Variants in HDAC9 observed in about 807,000 individuals in gnomAD.
HDAC9 encodes the protein MEF-2 interacting transcription repressor (MITR) protein.
A neutral mutation model predicts 139.4 loss-of-function variants in HDAC9; 41 were observed. The observed-to-expected ratio is 0.29, with a 90% confidence interval of 0.23 to 0.38. HDAC9 has a LOEUF of 0.38. Among genes scored for constraint, HDAC9 ranks in the 10% least tolerant of loss-of-function variants. The pLI is 1.00. For synonymous variants in HDAC9, 517 were observed against 476.2 expected, an observed-to-expected ratio of 1.09 and a Z score of -1.12; for missense variants, 1,147 against 1,297.0, an observed-to-expected ratio of 0.88 and a Z score of 1.78.
chr7:18,610,580 G>A (rs1836851659), intron 6 of HDAC9, among the ~76,000 whole-genome samples: 1 of 152,154 alleles, frequency 6.6e-6, no homozygotes, highest in Non-Finnish European at 1.5e-5. Flanking sequence ...CAAATAACCT[G>A]GACTAAGAGC....
chr7:18,414,958 C>T (rs1369572024), intron 1 of HDAC9, among the ~76,000 whole-genome samples: 3 of 152,128 alleles, frequency 2.0e-5, no homozygotes, highest in Admixed American at 6.6e-5. Context: ...CTTCCTACCT[C>T]GCCTATTTGT....
intron 22 of HDAC9, among the ~76,000 whole-genome samples, chr7:18,890,963 C>T (rs1800628137): frequency 6.6e-6 from 1 of 152,138 alleles, no homozygotes; most frequent in Non-Finnish European, 1.5e-5. Context: ...TACTGACCTC[C>T]AGCAGTCTAG....
At chr7:18,841,586 A>C (rs1183870395) in intron 21 of HDAC9, among the ~76,000 whole-genome samples, 1 of 152,166 alleles carries the variant, frequency 6.6e-6, no homozygotes, top group Non-Finnish European at 1.5e-5. Flanking sequence ...CTTCTGAGGC[A>C]GCAAGTGTGA....
chr7:18,746,782 C>T (rs775956826), intron 13 of HDAC9, among the ~76,000 whole-genome samples: 6 of 152,118 alleles, frequency 3.9e-5, no homozygotes, highest in Non-Finnish European at 7.4e-5. Context: ...GGTAAAAACA[C>T]GACTATCATC....
At chr7:18,390,130 A>G (rs1786337002) in intron 1 of HDAC9, among the ~76,000 whole-genome samples, 1 of 149,968 alleles carries the variant, frequency 6.7e-6, no homozygotes, top group South Asian at 2.2e-4. Context: ...GGATGAGGCA[A>G]GGGGTGAGAA....
rs117573396 is a variant in HDAC9, at chr7:18,728,656, C to G, written c.1909+899C>G. Among the ~76,000 whole-genome samples the G allele has an allele frequency of 9.7e-4, 148 of 152,290 alleles. 2 individuals are homozygous for G. The East Asian group carries it at 0.012, about 13-fold the overall frequency. ...TTCCCCAAAGGCTCTTTTGAGTTCT[C>G]TGATTTATTTTAAAATCCATTTTCA... On this transcript the variant is annotated intron_variant, in intron 13 of 25. Coordinates refer to ENST00000686413, the MANE Select transcript of HDAC9 (RefSeq NM_178425.4).
At chr7:18,507,482 C>T (rs1012115730) in intron 2 of HDAC9, among the ~76,000 whole-genome samples, 5 of 151,050 alleles carry the variant, frequency 3.3e-5, no homozygotes, top group South Asian at 2.1e-4. Flanking sequence ...CGTGAGCCAC[C>T]GCACCCGGCT....
At chr7:18,726,810 T>C (rs1785588674) in intron 12 of HDAC9, among the ~76,000 whole-genome samples, 1 of 151,932 alleles carries the variant, frequency 6.6e-6, no homozygotes, top group Admixed American at 6.6e-5. Context: ...GCATTGATGA[T>C]TAAATAAGCT....
chr7:18,114,310 T>G (rs946531900), intron 1 of HDAC9, among the ~76,000 whole-genome samples: 13 of 152,218 alleles, frequency 8.5e-5, no homozygotes, highest in African/African-American at 2.4e-4. Flanking sequence ...TGGCCACCCT[T>G]GGCTACAATA....
At chr7:18,553,134 G>A (rs1291478623) in intron 2 of HDAC9, among the ~76,000 whole-genome samples, 1 of 152,086 alleles carries the variant, frequency 6.6e-6, no homozygotes, top group East Asian at 1.9e-4. Context: ...GTAAACCATT[G>A]TGTATTTTGG....
At chr7:18,679,605 C>G (rs1402647697) in intron 12 of HDAC9, among the ~76,000 whole-genome samples, 1 of 147,070 alleles carries the variant, frequency 6.8e-6, no homozygotes, top group African/African-American at 2.5e-5. Flanking sequence ...CCGTCTCTTT[C>G]TTTCTCTCTC....
At chr7:18,698,906 G>A (rs964448677) in intron 12 of HDAC9, among the ~76,000 whole-genome samples, 1 of 152,174 alleles carries the variant, frequency 6.6e-6, no homozygotes, top group Admixed American at 6.5e-5. Context: ...ACACTGTCAT[G>A]TTCTAAGCAT....
intron 1 of HDAC9, among the ~76,000 whole-genome samples, chr7:18,147,645 T>A (rs79295340): frequency 3.3e-5 from 5 of 151,162 alleles, no homozygotes; most frequent in South Asian, 2.1e-4. Flanking sequence ...ATTTTTTTTT[T>A]AAGCAATAAG....
intron 2 of HDAC9, among the ~76,000 whole-genome samples, chr7:18,499,968 A>T (rs1797952658): frequency 6.6e-6 from 1 of 152,154 alleles, no homozygotes; most frequent in African/African-American, 2.4e-5. Context: ...TGTTCCTGTC[A>T]TGTCAAGAAT....
chr7:18,529,187 A>G (rs1424276344), intron 2 of HDAC9, among the ~76,000 whole-genome samples: 1 of 152,020 alleles, frequency 6.6e-6, no homozygotes, highest in Non-Finnish European at 1.5e-5. Flanking sequence ...CAGAGAAGAA[A>G]AAAAAAATCT....
At chr7:18,954,098 T>G (rs1434649828) in intron 23 of HDAC9, 48 bp from the exon 24 acceptor site, 6 of 1,291,128 alleles carry the variant, frequency 4.6e-6, no homozygotes, top group African/African-American at 1.5e-5. Context: ...TGAGACTTAC[T>G]ATAAAGTCAT....
chr7:18,829,569 C>G, intron 19 of HDAC9, 21 bp downstream of exon 19: 1 of 1,459,946 alleles, frequency 6.8e-7, no homozygotes, highest in Non-Finnish European at 9.5e-7. Flanking sequence ...CTGGCCAGAG[C>G]TGCATTTTCA....
In HDAC9 at chr7:18,447,523, A is replaced by G. The variant is rs568003398; in HGVS notation, c.-41-48739A>G. Among the ~76,000 whole-genome samples the G allele has an allele frequency of 3.3e-5, 5 of 152,340 alleles. No homozygotes were observed. In the East Asian group the frequency reaches 7.7e-4, roughly 23 times the overall value. ...GAAAAACAGAAATGCAGCCACGTCC[A>G]TAATTCCTTTTATTCATGTGTAGGT... On this transcript the variant is annotated intron_variant, in intron 1 of 3. Coordinates refer to the HDAC9 transcript ENST00000413509.
At chr7:18,092,926 A>G (rs2128060427) in intron 1 of HDAC9, among the ~76,000 whole-genome samples, 1 of 152,336 alleles carries the variant, frequency 6.6e-6, no homozygotes, top group East Asian at 1.9e-4. Flanking sequence ...TATTCCACGC[A>G]TGAAAGACTT....
Sources: allele counts gnomAD v4.1 joint callset (sites outside exome capture counted in the v4.1 genomes callset), GRCh38; gene constraint gnomAD v4.1.1; transcripts MANE v1.5; gene names NCBI Gene and HGNC (gene_info 2026-07-23, HGNC 2026-07-21).